Variants in DOCK10 observed in about 807,000 individuals in gnomAD.
DOCK10 encodes dedicator of cytokinesis protein 10.
In DOCK10, 145 loss-of-function variants were observed where a neutral mutation model predicts 280.1. The ratio of observed to expected loss-of-function variants is 0.52; its 90% CI spans 0.45 to 0.59. The LOEUF (loss-of-function observed/expected upper bound fraction) is 0.59. DOCK10 is among the 20% of genes least tolerant of loss of function. The pLI, the probability that DOCK10 is intolerant of heterozygous loss-of-function variation, is 0.00. For missense variants in DOCK10, 2,368 were observed against 2,651.7 expected, an observed-to-expected ratio of 0.89 and a Z score of 2.35; for synonymous variants, 915 against 942.2, an observed-to-expected ratio of 0.97 and a Z score of 0.53.
At chr2:224,819,720 A>G (rs1033831312) in intron 28 of DOCK10, among the ~76,000 whole-genome samples, 191 bp from the exon 29 acceptor site, 7 of 152,346 alleles carry the variant, frequency 4.6e-5, no homozygotes, top group African/African-American at 1.7e-4. Context: ...ACTACAATTT[A>G]TATTAAAAAT....
chr2:224,982,519 A>T, intron 1 of DOCK10: 1 of 1,224,194 alleles, frequency 8.2e-7, no homozygotes, highest in Non-Finnish European at 1.0e-6. Flanking sequence ...GATCATGGCC[A>T]AATAGCTTGG....
intron 1 of DOCK10, among the ~76,000 whole-genome samples, chr2:224,978,012 G>A (rs1480244162): frequency 1.3e-5 from 2 of 152,200 alleles, no homozygotes; most frequent in Non-Finnish European, 2.9e-5. Context: ...TCAATTAAGA[G>A]TTAAGTGGGC....
intron 2 of DOCK10, among the ~76,000 whole-genome samples, chr2:224,928,113 G>T (rs1300228971): frequency 6.6e-6 from 1 of 152,134 alleles, no homozygotes; most frequent in Non-Finnish European, 1.5e-5. Flanking sequence ...CTGTTGGTGC[G>T]CCACGTCCCT....
rs753301790 is a variant in DOCK10 at position 224,811,254 on chromosome 2, CGT to C, written c.3409+3064_3409+3065del. ...TGGCCAGTGACGATGAGCATTTTTTCGTGTGTTTTTTGGCTGCATAAATGTCT... is the reference window on the plus strand; with the variant it reads ...TGGCCAGTGACGATGAGCATTTTTTCGTGTTTTTTGGCTGCATAAATGTCT... On this transcript the variant is annotated intron_variant, in intron 31 of 55. Coordinates refer to ENST00000258390, the MANE Select transcript of DOCK10 (RefSeq NM_014689.3). Among the ~76,000 whole-genome samples the C allele has an allele frequency of 1.4e-4, 21 of 152,266 alleles. No homozygotes were observed. The East Asian group carries it at 3.1e-3, about 22-fold the overall frequency.
chr2:224,885,715 G>A lies in DOCK10; in HGVS notation c.703C>T (p.Pro235Ser), dbSNP rs1699238544. 6.2e-7 allele frequency: 1 copy of A among 1,613,368 alleles called. No homozygotes were observed. The highest frequency in any genetic ancestry group is 1.7e-5 in the Admixed American group (1 of 59,928). ...FYKDEKISKE[P>S]KGCIFLDSCT... ...GAATCCAAAAAGATGCATCCTTTGG[G>A]TTCTTTGGATATTTTCTCATCTTTG... Residue 235 changes from proline (P) to serine (S), a missense_variant, in exon 7 of 56, where the codon CCC becomes TCC. Physicochemically the swap from Pro to Ser is moderately conservative, Grantham distance 74. Coordinates refer to ENST00000258390, the MANE Select transcript of DOCK10 (RefSeq NM_014689.3).
At chr2:225,012,283 T>C (rs938432644) in intron 1 of DOCK10, among the ~76,000 whole-genome samples, 1 of 152,178 alleles carries the variant, frequency 6.6e-6, no homozygotes, top group Admixed American at 6.6e-5. Flanking sequence ...TAATCGCATA[T>C]GCTCCTTTCA....
intron 3 of DOCK10, among the ~76,000 whole-genome samples, chr2:224,902,951 A>T (rs1378428007): frequency 6.6e-6 from 1 of 151,896 alleles, no homozygotes; most frequent in Non-Finnish European, 1.5e-5. Context: ...AAAAAAAATT[A>T]GCCGGTTGTG....
chr2:225,029,338 A>G (rs965410925), intron 1 of DOCK10, among the ~76,000 whole-genome samples: 9 of 152,046 alleles, frequency 5.9e-5, no homozygotes, highest in Non-Finnish European at 1.3e-4. Context: ...CAGTTGGCTA[A>G]CTTTTGTATT....
rs79230890 is a variant in DOCK10, at chr2:224,805,360, G to C, written c.3937-40C>G. The C allele has an allele frequency of 1.1e-3, 1,802 of 1,612,774 alleles. 20 individuals carry two copies. In the East Asian group the frequency reaches 0.031, roughly 28 times the overall value. ...ACCAATCAGGATTGAGTGAGAGTGA[G>C]TGACCTCTGCCTTGTAATGATCAGT... On this transcript the variant is annotated intron_variant, in intron 35 of 55. Transcript: ENST00000258390. The surrounding 1 kb of genome is among the most constrained non-coding windows in gnomAD (Gnocchi z 4.3).
intron 4 of DOCK10, among the ~76,000 whole-genome samples, chr2:224,893,001 T>C (rs934698605): frequency 1.3e-5 from 2 of 152,196 alleles, no homozygotes; most frequent in African/African-American, 4.8e-5. Flanking sequence ...TCTAAGAGCC[T>C]CGGGGATACC....
At position 224,886,060 on chromosome 2, in the gene DOCK10, T is replaced by C. The variant is rs985970963; in HGVS notation, c.612+3A>G. The C allele has an allele frequency of 5.6e-6, 9 of 1,613,856 alleles. No homozygotes were observed. Among genetic ancestry groups the C allele is most frequent in the Non-Finnish European group, 7.6e-6 (9 of 1,179,854 alleles). On this transcript the variant is annotated splice_donor_region_variant and intron_variant, in intron 6 of 55. Transcript: ENST00000258390. The stretch of plus-strand genomic sequence containing the variant: ...ATAAAGATGAGTCTTGATATCTCCT[T>C]ACCCGAACAGTAACGGTGTTGTTCA...
chr2:224,818,360 G>A (rs1043227746), intron 29 of DOCK10, among the ~76,000 whole-genome samples: 1 of 150,430 alleles, frequency 6.6e-6, no homozygotes, highest in Non-Finnish European at 1.5e-5. Flanking sequence ...AGTGACGCAT[G>A]ACTGTATTCC....
chr2:224,871,418 T>C (rs1169408486), intron 11 of DOCK10, among the ~76,000 whole-genome samples: 1 of 152,176 alleles, frequency 6.6e-6, no homozygotes. Context: ...TCCTTCTCCC[T>C]TGCCAGCCCT....
intron 3 of DOCK10, among the ~76,000 whole-genome samples, chr2:224,903,077 G>C (rs1451625658): frequency 1.3e-5 from 2 of 152,162 alleles, no homozygotes; most frequent in Non-Finnish European, 2.9e-5. Context: ...CAGCCTGGGC[G>C]ACAGAGCGAG....
intron 22 of DOCK10, among the ~76,000 whole-genome samples, chr2:224,842,898 A>G (rs1696061706): frequency 6.6e-6 from 1 of 152,146 alleles, no homozygotes; most frequent in Non-Finnish European, 1.5e-5. Context: ...TGCCATCTGG[A>G]TGAGTGACAA....
intron 1 of DOCK10, among the ~76,000 whole-genome samples, chr2:224,964,824 G>T (rs1050529657): frequency 5.3e-5 from 8 of 152,146 alleles, no homozygotes; most frequent in African/African-American, 9.7e-5. Flanking sequence ...AACCTCAAAA[G>T]GGGAGAACAG....
intron 1 of DOCK10, among the ~76,000 whole-genome samples, chr2:225,040,639 G>C (rs12328694): frequency 1.3e-5 from 2 of 151,620 alleles, no homozygotes; most frequent in Non-Finnish European, 2.9e-5. Context: ...ACACACAACA[G>C]TTTAAGCTGT....
intron 4 of DOCK10, among the ~76,000 whole-genome samples, chr2:224,890,621 TA>T (rs1342829168): frequency 3.9e-5 from 6 of 152,356 alleles, no homozygotes; most frequent in African/African-American, 1.2e-4. Flanking sequence ...GAAAAGAAGC[TA>T]CTGATACGTG....
chr2:225,015,332 A>C (rs1482201249), intron 1 of DOCK10, among the ~76,000 whole-genome samples: 1 of 152,254 alleles, frequency 6.6e-6, no homozygotes, highest in Non-Finnish European at 1.5e-5. Flanking sequence ...TTATGAGAGC[A>C]CTACGTTCTA....
Sources: allele counts gnomAD v4.1 joint callset (sites outside exome capture counted in the v4.1 genomes callset), GRCh38; gene constraint gnomAD v4.1.1; non-coding constraint Gnocchi (gnomAD v3.1); transcripts MANE v1.5; gene names NCBI Gene and HGNC (gene_info 2026-07-23, HGNC 2026-07-21).